CNTNAP2: variants seen among roughly 807,000 people sequenced by gnomAD.
The protein encoded by CNTNAP2 is contactin-associated protein-like 2.
CNTNAP2 carries 98 observed loss-of-function variants against 155.2 expected under a neutral mutation model. That is an observed-to-expected ratio of 0.63 (90% confidence interval 0.54 to 0.75). CNTNAP2 has a LOEUF of 0.75. Ranked by LOEUF, CNTNAP2 falls within the 30% of genes least tolerant of loss-of-function variation. The probability of loss-of-function intolerance (pLI) is 0.00; values close to 1 mark genes in which losing one functional copy is unlikely to be tolerated. For synonymous variants in CNTNAP2, 651 were observed against 631.2 expected (o/e 1.03, Z -0.47); for missense variants, 1,727 against 1,688.1 (o/e 1.02, Z -0.40).
intron 15 of CNTNAP2, among the ~76,000 whole-genome samples, chr7:148,106,195 G>C (rs1804213006): frequency 6.6e-6 from 1 of 152,140 alleles, no homozygotes; most frequent in Non-Finnish European, 1.5e-5. Context: ...TAATTTGGAA[G>C]AAAAATGCTT....
chr7:148,127,541 A>G (rs781186893), intron 16 of CNTNAP2, among the ~76,000 whole-genome samples: 5 of 152,348 alleles, frequency 3.3e-5, no homozygotes, highest in Middle Eastern at 3.4e-3. Context: ...ATGTCCTACT[A>G]ATCTTAGGAA....
chr7:147,915,300 A>T (rs538736344), intron 14 of CNTNAP2, among the ~76,000 whole-genome samples: 3 of 152,348 alleles, frequency 2.0e-5, no homozygotes, highest in African/African-American at 7.2e-5. Flanking sequence ...TCATACCATT[A>T]GCCCTGTAAC....
At chr7:146,607,020 A>C (rs1407801916) in intron 1 of CNTNAP2, among the ~76,000 whole-genome samples, 9 of 152,206 alleles carry the variant, frequency 5.9e-5, no homozygotes, top group Non-Finnish European at 1.2e-4. Context: ...ATGAGAAATC[A>C]ATAAATACAC....
At chr7:147,425,135 A>T (rs1797356787) in intron 10 of CNTNAP2, among the ~76,000 whole-genome samples, 1 of 146,870 alleles carries the variant, frequency 6.8e-6, no homozygotes, top group African/African-American at 2.5e-5. Context: ...TGCAAGTGGA[A>T]TTTTTTTTTT....
intron 8 of CNTNAP2, among the ~76,000 whole-genome samples, chr7:147,150,224 A>T (rs1420441577): frequency 1.3e-5 from 2 of 152,174 alleles, no homozygotes; most frequent in African/African-American, 4.8e-5. Context: ...GTAAGAACAG[A>T]TAAACAGAGA....
At chr7:146,991,329 T>C (rs1161567458) in intron 3 of CNTNAP2, among the ~76,000 whole-genome samples, 1 of 152,088 alleles carries the variant, frequency 6.6e-6, no homozygotes, top group African/African-American at 2.4e-5. Context: ...TTAATTCAAA[T>C]GTAAAGGAAG....
intron 1 of CNTNAP2, among the ~76,000 whole-genome samples, chr7:146,638,472 G>GTTTTTTTTTTTTTTTTTTTTTTTTTTTT (rs1554460106): frequency 1.0e-5 from 1 of 100,106 alleles, no homozygotes; most frequent in Admixed American, 1.1e-4. Context: ...ACAGTCAGGT[G>GTTTTTTTTTTTTTTTTTTTTTTTTTTTT]TTTCTTTTTT....
intron 21 of CNTNAP2, among the ~76,000 whole-genome samples, chr7:148,269,720 C>T (rs10952742): frequency 0.33 from 50,760 of 152,080 alleles, 10,298 homozygotes; most frequent in East Asian, 0.6. Flanking sequence ...GAAAGTTGAG[C>T]GATGCCATCA....
intron 13 of CNTNAP2, among the ~76,000 whole-genome samples, chr7:147,754,814 G>GA (rs969574297): frequency 3.5e-4 from 53 of 151,680 alleles, no homozygotes; most frequent in African/African-American, 1.1e-3. Context: ...AGGAATAAAT[G>GA]AAAAAAAATG....
At chr7:146,236,590 G>A (rs548955014) in intron 1 of CNTNAP2, among the ~76,000 whole-genome samples, 30 of 152,194 alleles carry the variant, frequency 2.0e-4, no homozygotes, top group African/African-American at 7.2e-4. Flanking sequence ...CCTGAGAAAT[G>A]TATGTTTGAC....
intron 14 of CNTNAP2, among the ~76,000 whole-genome samples, chr7:147,973,207 A>C (rs949553476): frequency 6.7e-6 from 1 of 149,550 alleles, no homozygotes; most frequent in Non-Finnish European, 1.5e-5. Flanking sequence ...GGATCACAAA[A>C]ACTTTGTGCT....
chr7:147,331,770 G>A (rs1795575097), intron 9 of CNTNAP2, among the ~76,000 whole-genome samples: 1 of 152,114 alleles, frequency 6.6e-6, no homozygotes, highest in South Asian at 2.1e-4. Context: ...TTCTCCTTTT[G>A]GCCACTGGCC....
intron 13 of CNTNAP2, among the ~76,000 whole-genome samples, chr7:147,887,101 A>G (rs891939332): frequency 2.0e-5 from 3 of 152,224 alleles, no homozygotes; most frequent in Admixed American, 1.3e-4. Flanking sequence ...CCTTGCTTTA[A>G]AACCTACAGT....
chr7:148,269,216 A>G (rs373980168), intron 21 of CNTNAP2, among the ~76,000 whole-genome samples: 9 of 152,328 alleles, frequency 5.9e-5, no homozygotes, highest in African/African-American at 2.2e-4. Flanking sequence ...GGAAAACAAA[A>G]GAGGGCTAAC....
Position 147,062,127 on chromosome 7 carries a change from C to CAAAAAAAAAA in CNTNAP2, c.550+18107_550+18116dup, listed in dbSNP as rs869125044. ...TGGGCGACAGAGCGAGACTCCGTCT[C>CAAAAAAAAAA]AAAAAAAAAAAAAAAAAAAAAAAAA... On this transcript the variant is annotated intron_variant, in intron 4 of 23. Transcript: ENST00000361727. Among the ~76,000 whole-genome samples, 47 of 44,942 alleles carry CAAAAAAAAAA rather than the reference C, an allele frequency of 1.0e-3. 4 individuals carry two copies. The highest frequency in any genetic ancestry group is 2.0e-3 in the Admixed American group (5 of 2,500). 29.5% of individuals were successfully genotyped at this position (44,942 alleles called of 152,430 possible). A position where few individuals can be genotyped will look rare whatever the true frequency, so the allele number is the denominator to read the frequency against.
At chr7:146,894,378 G>A (rs944303271) in intron 3 of CNTNAP2, among the ~76,000 whole-genome samples, 1 of 152,032 alleles carries the variant, frequency 6.6e-6, no homozygotes, top group Non-Finnish European at 1.5e-5. Context: ...TTAATCTTTT[G>A]CTCCTCTTCA....
intron 8 of CNTNAP2, among the ~76,000 whole-genome samples, chr7:147,212,066 A>C (rs1383819291): frequency 6.6e-6 from 1 of 152,172 alleles, no homozygotes; most frequent in Admixed American, 6.6e-5. Context: ...CACACAAGTC[A>C]GAATGGCTAA....
At chr7:147,099,735 T>A (rs1800617275) in intron 4 of CNTNAP2, among the ~76,000 whole-genome samples, 1 of 152,178 alleles carries the variant, frequency 6.6e-6, no homozygotes, top group South Asian at 2.1e-4. Context: ...TCAAAAGACA[T>A]TCTGAGGAGT....
At chr7:147,277,839 T>A (rs1348732250) in intron 8 of CNTNAP2, among the ~76,000 whole-genome samples, 1 of 151,788 alleles carries the variant, frequency 6.6e-6, no homozygotes, top group African/African-American at 2.4e-5. Flanking sequence ...CTTTTCTTTC[T>A]TTTTAAGTAA....
Sources: gnomAD v4.1 joint callset for allele counts (sites outside exome capture counted in the v4.1 genomes callset) on GRCh38, gnomAD v4.1.1 for gene constraint, MANE v1.5 for transcripts, NCBI Gene and HGNC (gene_info 2026-07-23, HGNC 2026-07-21) for gene names.